Variants in CDH4 observed in about 807,000 individuals in gnomAD.
CDH4 encodes the protein cadherin-4.
Under a neutral mutation model 86.0 loss-of-function variants are expected in CDH4, and 33 were observed. The ratio of observed to expected loss-of-function variants is 0.38; its 90% confidence interval spans 0.29 to 0.51. The LOEUF (loss-of-function observed/expected upper bound fraction) is 0.51. Among genes scored for constraint, CDH4 ranks in the 20% least tolerant of loss-of-function variants. The probability of loss-of-function intolerance (pLI) is 0.86; values close to 1 mark genes in which losing one functional copy is unlikely to be tolerated. For missense variants in CDH4, 1,114 were observed against 1,307.4 expected (o/e 0.85, Z 2.28); for synonymous variants, 555 against 549.4 (o/e 1.01, Z -0.14).
intron 4 of CDH4, among the ~76,000 whole-genome samples, chr20:61,814,245 C>T (rs1237188916): frequency 6.6e-6 from 1 of 152,208 alleles, no homozygotes; most frequent in African/African-American, 2.4e-5. Context: ...CTCTTAGGAA[C>T]CTCACGCTGT....
rs546429144 is a variant in CDH4, at chr20:61,451,299, G to A, written c.169+196362G>A. ...AGGAGGAAACGGCACGGACCACCATGGAGCATGTGCGTCTCAGCTGCGTCA... is the reference window on the plus strand; with the variant it reads ...AGGAGGAAACGGCACGGACCACCATAGAGCATGTGCGTCTCAGCTGCGTCA... On this transcript the variant is annotated intron_variant, in intron 2 of 15. Transcript: ENST00000614565. Among the ~76,000 whole-genome samples, 14 of 152,208 alleles carry A rather than the reference G, an allele frequency of 9.2e-5. No homozygotes were observed. The East Asian group carries it at 1.2e-3, about 13-fold the overall frequency.
At chr20:61,363,178 C>A (rs1229511069) in intron 2 of CDH4, among the ~76,000 whole-genome samples, 1 of 152,186 alleles carries the variant, frequency 6.6e-6, no homozygotes, top group Non-Finnish European at 1.5e-5. Flanking sequence ...GACCGAGGAC[C>A]TGATGCACAT....
intron 2 of CDH4, among the ~76,000 whole-genome samples, chr20:61,514,654 G>A (rs543064676): frequency 1.7e-4 from 26 of 152,332 alleles, no homozygotes; most frequent in Admixed American, 1.4e-3. Context: ...TCACTGGCTT[G>A]TCAAAGGGCC....
At chr20:61,745,345 T>C (rs1477708270) in intron 3 of CDH4, among the ~76,000 whole-genome samples, 1 of 152,108 alleles carries the variant, frequency 6.6e-6, no homozygotes, top group African/African-American at 2.4e-5. Flanking sequence ...AGGAACCCAC[T>C]TTGGGAAGGG....
In CDH4 at chr20:61,620,186, G is replaced by GTGGATGGA. The variant is rs1237568321; in HGVS notation, c.170-123364_170-123357dup. 8.6e-4 allele frequency among the ~76,000 whole-genome samples: 119 copies of GTGGATGGA among 138,420 alleles called. 6 individuals carry two copies. The highest frequency in any genetic ancestry group is 2.6e-3 in the African/African-American group (94 of 36,336). 90.8% of individuals were successfully genotyped at this position (138,420 alleles called of 152,430 possible). The stretch of plus-strand genomic sequence containing the variant: ...GATGGATGGATGGATGGGTGGGTGG[G>GTGGATGGA]TGGATGGATGGATGGATGGACAGAC... On this transcript the variant is annotated intron_variant, in intron 2 of 15. Transcript: ENST00000614565.
intron 2 of CDH4, among the ~76,000 whole-genome samples, chr20:61,602,436 A>G (rs1600798234): frequency 6.6e-6 from 1 of 152,248 alleles, no homozygotes; most frequent in African/African-American, 2.4e-5. Context: ...AGCTGGATGG[A>G]CATCTTGGTG....
intron 7 of CDH4, among the ~76,000 whole-genome samples, chr20:61,883,634 G>A (rs554084639): frequency 2.3e-4 from 35 of 152,338 alleles, no homozygotes; most frequent in Middle Eastern, 6.8e-3. Context: ...GAGAGCTCAG[G>A]CACGTGGCCC....
At chr20:61,905,905 G>A (rs907456077) in intron 8 of CDH4, among the ~76,000 whole-genome samples, 1 of 151,946 alleles carries the variant, frequency 6.6e-6, no homozygotes, top group African/African-American at 2.4e-5. Flanking sequence ...CACAAGAGCT[G>A]AGAAGTCTTG....
intron 2 of CDH4, among the ~76,000 whole-genome samples, chr20:61,423,110 G>C (rs934442764): frequency 6.6e-6 from 1 of 152,110 alleles, no homozygotes; most frequent in Non-Finnish European, 1.5e-5. Context: ...TGTACCTCGG[G>C]GCAGGGCAGA....
intron 2 of CDH4, among the ~76,000 whole-genome samples, chr20:61,664,381 G>A (rs1198973928): frequency 2.0e-5 from 3 of 152,228 alleles, no homozygotes; most frequent in Admixed American, 6.5e-5. Flanking sequence ...GCCTGGGAGT[G>A]GGGTGGGGGC....
intron 2 of CDH4, among the ~76,000 whole-genome samples, chr20:61,656,340 G>T (rs570239723): frequency 1.4e-5 from 2 of 144,696 alleles, no homozygotes; most frequent in Non-Finnish European, 3.0e-5. Flanking sequence ...TGCTGGGGTG[G>T]GTAGGCGCGT....
At chr20:61,692,834 GT>G (rs914883945) in intron 2 of CDH4, among the ~76,000 whole-genome samples, 1 of 143,382 alleles carries the variant, frequency 7.0e-6, no homozygotes, top group Non-Finnish European at 1.5e-5. Context: ...TTTGTTTTTT[GT>G]TTTTTGTTTT....
At chr20:61,511,047 A>C (rs1259718261) in intron 2 of CDH4, among the ~76,000 whole-genome samples, 1 of 152,222 alleles carries the variant, frequency 6.6e-6, no homozygotes, top group African/African-American at 2.4e-5. Flanking sequence ...GGGATGGCCC[A>C]TGCCATTCAT....
chr20:61,718,670 G>A (rs2087993063), intron 2 of CDH4: 2 of 391,326 alleles, frequency 5.1e-6, no homozygotes, highest in South Asian at 3.9e-5. Flanking sequence ...TTGAACCGAA[G>A]CCAGAGGAGC....
chr20:61,539,289 T>C (rs965743757), intron 2 of CDH4, among the ~76,000 whole-genome samples: 37 of 152,088 alleles, frequency 2.4e-4, no homozygotes, highest in African/African-American at 8.7e-4. Context: ...ACAGTGTAGG[T>C]GTATTAGTCA....
At chr20:61,830,787 C>A (rs886559462) in intron 4 of CDH4, among the ~76,000 whole-genome samples, 4 of 152,212 alleles carry the variant, frequency 2.6e-5, no homozygotes, top group Non-Finnish European at 5.9e-5. Context: ...CGCTTCTGGG[C>A]GCCCTTTCTT....
chr20:61,570,435 G>T (rs1475201277), intron 2 of CDH4: 6 of 520,608 alleles, frequency 1.2e-5, no homozygotes, highest in Non-Finnish European at 2.1e-5. Flanking sequence ...AGCAGCCCTG[G>T]TGCTGCCTTG....
At chr20:61,573,490 G>T (rs926149980) in intron 2 of CDH4, among the ~76,000 whole-genome samples, 39 of 152,220 alleles carry the variant, frequency 2.6e-4, no homozygotes, top group African/African-American at 8.9e-4. Flanking sequence ...CCGGAAGTGG[G>T]GCATGGAGAG....
At chr20:61,319,183 CAT>C (rs1341246608) in intron 2 of CDH4, among the ~76,000 whole-genome samples, 1 of 149,020 alleles carries the variant, frequency 6.7e-6, no homozygotes, top group Non-Finnish European at 1.5e-5. Flanking sequence ...TAACATATAA[CAT>C]GTTATAATAA....
Sources: gnomAD v4.1 joint callset for allele counts (sites outside exome capture counted in the v4.1 genomes callset) on GRCh38, gnomAD v4.1.1 for gene constraint, MANE v1.5 for transcripts, NCBI Gene and HGNC (gene_info 2026-07-23, HGNC 2026-07-21) for gene names.